The following MDGA2 variants were observed in gnomAD, a reference collection of about 807,000 sequenced individuals.
The protein encoded by MDGA2 is MAM domain-containing glycosylphosphatidylinositol anchor protein 2.
In MDGA2, 40 loss-of-function variants were observed where a neutral mutation model predicts 117.8. The observed-to-expected ratio is 0.34, with a 90% CI of 0.26 to 0.44. The LOEUF (loss-of-function observed/expected upper bound fraction) is 0.44, where lower values mean the gene tolerates loss of function less well. Among genes scored for constraint, MDGA2 ranks in the 20% least tolerant of loss-of-function variants. The probability of loss-of-function intolerance (pLI) is 1.00; values close to 1 mark genes in which losing one functional copy is unlikely to be tolerated. For missense variants in MDGA2, 1,123 were observed against 1,250.6 expected (o/e 0.90, Z 1.54); for synonymous variants, 452 against 439.0 (o/e 1.03, Z -0.37).
At chr14:46,911,021 A>C (rs1051542367) in intron 10 of MDGA2, among the ~76,000 whole-genome samples, 1 of 152,138 alleles carries the variant, frequency 6.6e-6, no homozygotes, top group Non-Finnish European at 1.5e-5. Context: ...GGAGGAAGAA[A>C]ATCAGGAAAA....
chr14:46,874,289 G>A (rs1390938601), intron 12 of MDGA2, 89 bp from the exon 13 acceptor site: 1 of 591,422 alleles, frequency 1.7e-6, no homozygotes, highest in Non-Finnish European at 2.5e-6. Flanking sequence ...ATATTACATA[G>A]CAATAATAAT....
chr14:47,459,994 A>G (rs1419902062), intron 1 of MDGA2, among the ~76,000 whole-genome samples: 1 of 152,184 alleles, frequency 6.6e-6, no homozygotes, highest in African/African-American at 2.4e-5. Flanking sequence ...GGATTTCTCA[A>G]TATAGTAGTG....
intron 5 of MDGA2, among the ~76,000 whole-genome samples, chr14:47,129,623 G>C (rs1233990628): frequency 6.9e-6 from 1 of 144,268 alleles, no homozygotes; most frequent in Non-Finnish European, 1.5e-5. Flanking sequence ...GGGATGGCTG[G>C]GTCAAATGGT....
rs1317794998 is a variant in MDGA2, at chr14:47,633,863, G to T, written c.280+40654C>A. On this transcript the variant is annotated intron_variant, in intron 1 of 16. Transcript: ENST00000399232. ...CTGTAGGTTAGCTAAAGGATCCTGA[G>T]TTTTGTAACATAAGGATTGGTGCAA... Among the ~76,000 whole-genome samples the T allele has an allele frequency of 2.0e-5, 3 of 152,074 alleles. No homozygotes were observed. In the East Asian group the frequency reaches 5.8e-4, roughly 29 times the overall value.
At chr14:47,442,858 T>G (rs1000658125) in intron 1 of MDGA2, among the ~76,000 whole-genome samples, 1 of 152,124 alleles carries the variant, frequency 6.6e-6, no homozygotes, top group Non-Finnish European at 1.5e-5. Flanking sequence ...CATGCTGTTT[T>G]GAGTAGCATG....
intron 1 of MDGA2, among the ~76,000 whole-genome samples, chr14:47,460,504 GA>G (rs1878534914): frequency 6.6e-6 from 1 of 152,030 alleles, no homozygotes. Flanking sequence ...ACAGAGAAGA[GA>G]GGGGAAAGAA....
At chr14:47,609,279 T>C (rs975213629) in intron 1 of MDGA2, among the ~76,000 whole-genome samples, 2 of 150,556 alleles carry the variant, frequency 1.3e-5, no homozygotes, top group Non-Finnish European at 1.5e-5. Context: ...TGCGTCCTCA[T>C]AGCTTAGCTG....
chr14:47,301,570 A>G lies in MDGA2; in HGVS notation c.281-20T>C, dbSNP rs1214023839. 7.1e-6 allele frequency: 11 copies of G among 1,551,486 alleles called. No individual in the cohort carries two copies. Among genetic ancestry groups the G allele is most frequent in the Non-Finnish European group, 9.6e-6 (11 of 1,146,840 alleles). ...GAGGAGCTGTCGAGTCAGGAAGAAG[A>G]GAGACAAGATACATGAAAAGGTAAG... On this transcript the variant is annotated intron_variant, in intron 1 of 16. Coordinates refer to ENST00000399232, the MANE Select transcript of MDGA2 (RefSeq NM_001113498.3).
chr14:47,345,774 G>C (rs1279038139), intron 1 of MDGA2, among the ~76,000 whole-genome samples: 3 of 152,122 alleles, frequency 2.0e-5, no homozygotes, highest in Non-Finnish European at 4.4e-5. Flanking sequence ...CAGAAGTGTA[G>C]CATGTGTTTA....
chr14:47,193,115 C>G (rs1200840635), intron 3 of MDGA2, among the ~76,000 whole-genome samples: 1 of 152,150 alleles, frequency 6.6e-6, no homozygotes, highest in East Asian at 1.9e-4. Flanking sequence ...TAAGTATTAT[C>G]TTTCTTGGAA....
chr14:47,197,122 G>C (rs1237642176), intron 3 of MDGA2, among the ~76,000 whole-genome samples: 2 of 152,212 alleles, frequency 1.3e-5, no homozygotes, highest in Middle Eastern at 3.4e-3. Context: ...GTTCCATGAT[G>C]AACACAAAAG....
At chr14:47,074,849 C>T (rs1162660122) in intron 6 of MDGA2, among the ~76,000 whole-genome samples, 1 of 152,158 alleles carries the variant, frequency 6.6e-6, no homozygotes, top group Non-Finnish European at 1.5e-5. Context: ...TTTAGTAAAA[C>T]CCTCTGTTCT....
intron 1 of MDGA2, among the ~76,000 whole-genome samples, chr14:47,366,806 G>GT (rs1436833999): frequency 2.7e-5 from 4 of 149,130 alleles, no homozygotes; most frequent in Non-Finnish European, 4.4e-5. Flanking sequence ...TTCAAGTCAC[G>GT]TAACAGTACT....
intron 1 of MDGA2, among the ~76,000 whole-genome samples, chr14:47,553,635 T>C (rs971647568): frequency 2.2e-4 from 33 of 152,178 alleles, no homozygotes; most frequent in Admixed American, 1.9e-3. Context: ...TACATATACA[T>C]TGCATACATA....
At chr14:47,473,983 C>A (rs546446274) in intron 1 of MDGA2, among the ~76,000 whole-genome samples, 6 of 152,172 alleles carry the variant, frequency 3.9e-5, no homozygotes, top group African/African-American at 1.2e-4. Context: ...CTGGCCAGGG[C>A]AGTTAGCCAA....
chr14:47,627,715 A>G (rs1566548403), intron 1 of MDGA2, among the ~76,000 whole-genome samples: 1 of 152,340 alleles, frequency 6.6e-6, no homozygotes, highest in East Asian at 1.9e-4. Flanking sequence ...CCCAGCCAGC[A>G]GTGGCAACCC....
intron 2 of MDGA2, among the ~76,000 whole-genome samples, chr14:47,290,684 T>G (rs1416180789): frequency 6.6e-6 from 1 of 152,002 alleles, no homozygotes; most frequent in Non-Finnish European, 1.5e-5. Flanking sequence ...TAGGGTCACA[T>G]GTATGGATAC....
chr14:47,281,103 A>G (rs1455031705), intron 2 of MDGA2, among the ~76,000 whole-genome samples: 2 of 149,424 alleles, frequency 1.3e-5, no homozygotes, highest in Non-Finnish European at 3.0e-5. Context: ...TAAATATGCT[A>G]TGAAATAATA....
intron 1 of MDGA2, among the ~76,000 whole-genome samples, chr14:47,472,932 T>C (rs1316274876): frequency 6.6e-6 from 1 of 151,986 alleles, no homozygotes; most frequent in Non-Finnish European, 1.5e-5. Flanking sequence ...TTACTTCTTG[T>C]TGATAGTATT....
Sources: gnomAD v4.1 joint callset for allele counts (sites outside exome capture counted in the v4.1 genomes callset) on GRCh38, gnomAD v4.1.1 for gene constraint, MANE v1.5 for transcripts, NCBI Gene and HGNC (gene_info 2026-07-23, HGNC 2026-07-21) for gene names.